The following SPAG9 variants were observed in gnomAD, a reference collection of about 807,000 sequenced individuals.
SPAG9 encodes sperm associated antigen 9.
SPAG9 carries 35 observed loss-of-function variants against 166.5 expected under a neutral mutation model. That is an observed-to-expected ratio of 0.21 (90% CI 0.16 to 0.28). The LOEUF (loss-of-function observed/expected upper bound fraction) is 0.28, where lower values mean the gene tolerates loss of function less well. Among genes scored for constraint, SPAG9 ranks in the 10% least tolerant of loss-of-function variants. The pLI is 1.00. For synonymous variants in SPAG9, 534 were observed against 565.5 expected (o/e 0.94, Z 0.79); for missense variants, 1,235 against 1,603.3 (o/e 0.77, Z 3.92).
chr17:51,046,725 C>T (rs899322884), intron 4 of SPAG9: 2 of 1,535,742 alleles, frequency 1.3e-6, no homozygotes, highest in Admixed American at 2.0e-5. Flanking sequence ...AAAGGGGTAT[C>T]TTTGTAGTGA....
intron 1 of SPAG9, among the ~76,000 whole-genome samples, chr17:51,093,450 C>T (rs1330740787): frequency 6.6e-6 from 1 of 152,014 alleles, no homozygotes; most frequent in African/African-American, 2.4e-5. Context: ...CGCCTGTAAT[C>T]CCTGCACTTT....
At position 50,990,564 on chromosome 17, in the gene SPAG9, T is replaced by C. The variant is rs1406353960; in HGVS notation, c.2503A>G (p.Thr835Ala). Residue 835 changes from threonine to alanine, a missense_variant, in exon 20 of 30, where the codon ACA becomes GCA. Thr to Ala is a moderately conservative substitution (Grantham distance 58). Around this residue, in one of 6 missense-constraint regions of SPAG9, gnomAD observed 493 missense variants for 559.4 expected, o/e 0.88. Transcript: ENST00000262013. ...GTGATGCCTCCTAACAGGCTGTCTG[T>C]CTCTGCTGAGCTGTTGCTTGTCATA... is the stretch of plus-strand genomic sequence containing the variant. ...GSMTSNSSAE[T>A]DSLLGGITVV... is the part of the protein sequence containing the mutation. The C allele has an allele frequency of 3.1e-6, 5 of 1,614,198 alleles. No homozygotes were observed. In the South Asian group the frequency reaches 5.5e-5, roughly 18 times the overall value.
chr17:51,026,078 CT>C (rs1359093258), intron 6 of SPAG9, among the ~76,000 whole-genome samples: 2 of 152,038 alleles, frequency 1.3e-5, no homozygotes, highest in Non-Finnish European at 2.9e-5. Context: ...TGAGGTCAAT[CT>C]TGGAATTCTC....
chr17:50,974,658 T>C (rs915904762), intron 28 of SPAG9, 113 bp downstream of exon 28: 2 of 896,926 alleles, frequency 2.2e-6, no homozygotes, highest in Non-Finnish European at 3.2e-6. Flanking sequence ...TTCGTATATA[T>C]TGAAATTACC....
rs192268507 is a variant in SPAG9 at position 51,107,469 on chromosome 17, T to C, written c.303+12885A>G. 7.9e-5 allele frequency among the ~76,000 whole-genome samples: 12 copies of C among 152,188 alleles called. No homozygotes were observed. In the East Asian group the frequency reaches 2.3e-3, roughly 29 times the overall value. On this transcript the variant is annotated intron_variant, in intron 1 of 29. Transcript: ENST00000262013. Reference sequence around the variant, plus strand: ...AAAGGGCAATAATAGTCAGACACGGTGGCTCACGCCTGTAATCCCAGCACT... The same window carrying C: ...AAAGGGCAATAATAGTCAGACACGGCGGCTCACGCCTGTAATCCCAGCACT...
At chr17:50,987,954 G>A (rs998699565) in intron 21 of SPAG9, among the ~76,000 whole-genome samples, 6 of 152,174 alleles carry the variant, frequency 3.9e-5, no homozygotes, top group South Asian at 2.1e-4. Context: ...GGTGGCTCAC[G>A]CCTATAATCC....
At chr17:51,043,483 T>C (rs2046916724) in intron 4 of SPAG9, among the ~76,000 whole-genome samples, 1 of 152,212 alleles carries the variant, frequency 6.6e-6, no homozygotes, top group Non-Finnish European at 1.5e-5. Context: ...TCTTTTCTTC[T>C]TCTTTGATTT....
intron 5 of SPAG9, among the ~76,000 whole-genome samples, chr17:51,036,853 T>G (rs974605623): frequency 6.6e-5 from 10 of 152,178 alleles, no homozygotes; most frequent in Admixed American, 6.5e-4. Context: ...AACTAAATTG[T>G]GCAGAAAGGA....
intron 21 of SPAG9, among the ~76,000 whole-genome samples, chr17:50,988,832 G>A (rs1464598879): frequency 6.6e-6 from 1 of 152,164 alleles, no homozygotes; most frequent in Non-Finnish European, 1.5e-5. Flanking sequence ...GGGATTATAG[G>A]CATGAGCCAC....
At chr17:51,037,665 T>TTTTATATATATATATATATATA (rs1239466619) in intron 5 of SPAG9, among the ~76,000 whole-genome samples, 2 of 92,912 alleles carry the variant, frequency 2.2e-5, no homozygotes, top group African/African-American at 7.4e-5. Context: ...TATATGTGTT[T>TTTTATATATATATATATATATA]TATATATATA....
At chr17:51,066,841 G>A (rs572941834) in intron 2 of SPAG9, among the ~76,000 whole-genome samples, 186 of 151,904 alleles carry the variant, frequency 1.2e-3, no homozygotes, top group Non-Finnish European at 2.1e-3. Flanking sequence ...GCAGTGAGCC[G>A]AGATTACACC....
intron 3 of SPAG9, 101 bp downstream of exon 3, chr17:51,056,311 T>C: frequency 1.4e-6 from 1 of 725,360 alleles, no homozygotes; most frequent in South Asian, 1.6e-5. Flanking sequence ...ATTATTCTTT[T>C]TTAAAAAATT....
At chr17:50,995,666 G>GT (rs879789955) in intron 16 of SPAG9, 133 bp from the exon 17 acceptor site, 24 of 630,112 alleles carry the variant, frequency 3.8e-5, no homozygotes, top group African/African-American at 3.3e-4. Context: ...CAGGTTTTTT[G>GT]TTTTTTTGTT....
intron 5 of SPAG9, among the ~76,000 whole-genome samples, chr17:51,035,151 A>C (rs1027228964): frequency 1.3e-5 from 2 of 152,186 alleles, no homozygotes; most frequent in Non-Finnish European, 2.9e-5. Flanking sequence ...CTGTAATAAA[A>C]ATTTTTTTTA....
intron 1 of SPAG9, among the ~76,000 whole-genome samples, chr17:51,089,378 T>C (rs1363014989): frequency 6.6e-6 from 1 of 150,994 alleles, no homozygotes; most frequent in South Asian, 2.1e-4. Context: ...GAGGTGAGAC[T>C]GTGCCATTGC....
At chr17:51,078,931 G>T (rs1374576388) in intron 2 of SPAG9, among the ~76,000 whole-genome samples, 3 of 152,020 alleles carry the variant, frequency 2.0e-5, no homozygotes, top group Admixed American at 2.0e-4. Flanking sequence ...AGAAAAAATG[G>T]AGCTTTGTGT....
chr17:50,973,968 T>C (rs1974024521), intron 28 of SPAG9, among the ~76,000 whole-genome samples: 1 of 152,186 alleles, frequency 6.6e-6, no homozygotes, highest in Non-Finnish European at 1.5e-5. Context: ...ATCCTATTGG[T>C]TCTGTTTCTC....
intron 1 of SPAG9, among the ~76,000 whole-genome samples, chr17:51,116,659 G>A (rs1473544545): frequency 6.6e-6 from 1 of 152,066 alleles, no homozygotes; most frequent in Non-Finnish European, 1.5e-5. Flanking sequence ...AGCTACTCAG[G>A]AGGCTGAGGC....
intron 2 of SPAG9, among the ~76,000 whole-genome samples, chr17:51,070,445 A>G (rs1047506030): frequency 1.3e-5 from 2 of 152,230 alleles, no homozygotes; most frequent in African/African-American, 2.4e-5. Flanking sequence ...AAATTCTTTG[A>G]CCTACTTCCT....
Sources: gnomAD v4.1 joint callset for allele counts (sites outside exome capture counted in the v4.1 genomes callset) on GRCh38, gnomAD v4.1.1 for gene constraint, gnomAD v4.1.1 regional missense constraint, MANE v1.5 for transcripts, NCBI Gene and HGNC (gene_info 2026-07-23, HGNC 2026-07-21) for gene names.